PRKG1: variants seen among roughly 807,000 people sequenced by gnomAD.
PRKG1 encodes protein kinase cGMP-dependent 1, also known as cGMP-dependent protein kinase 1.
Under a neutral mutation model 88.1 loss-of-function variants are expected in PRKG1, and 35 were observed. That is an observed-to-expected ratio of 0.40 (90% CI 0.30 to 0.53). PRKG1 has a LOEUF of 0.53. Ranked by LOEUF, PRKG1 falls within the 20% of genes least tolerant of loss-of-function variation. PRKG1 has a pLI of 0.59. For missense variants in PRKG1, 540 were observed against 839.8 expected (o/e 0.64, Z 4.41); for synonymous variants, 303 against 292.5 (o/e 1.04, Z -0.37).
At chr10:51,053,253 T>TC (rs1554832520) in intron 1 of PRKG1, among the ~76,000 whole-genome samples, 1 of 148,476 alleles carries the variant, frequency 6.7e-6, no homozygotes, top group Non-Finnish European at 1.5e-5. Flanking sequence ...AAATAAAAAC[T>TC]AAAAAAAAAA....
At chr10:52,065,189 T>C (rs985442647) in intron 7 of PRKG1, among the ~76,000 whole-genome samples, 7 of 152,222 alleles carry the variant, frequency 4.6e-5, no homozygotes, top group Non-Finnish European at 7.3e-5. Flanking sequence ...CATTTTCCAA[T>C]AACCAGTATA....
intron 7 of PRKG1, among the ~76,000 whole-genome samples, chr10:52,130,980 G>C (rs9971354): frequency 0.33 from 50,566 of 151,960 alleles, 8,744 homozygotes; most frequent in African/African-American, 0.42. Flanking sequence ...TTAAACTTAC[G>C]TTTGATTATC....
At chr10:51,175,705 G>C (rs377257522) in intron 2 of PRKG1, among the ~76,000 whole-genome samples, 1 of 151,918 alleles carries the variant, frequency 6.6e-6, no homozygotes, top group Non-Finnish European at 1.5e-5. Flanking sequence ...CTAGTTGACT[G>C]GTTCTCAAAA....
chr10:51,100,023 A>G (rs1393782409), intron 1 of PRKG1, among the ~76,000 whole-genome samples: 2 of 152,120 alleles, frequency 1.3e-5, no homozygotes, highest in Non-Finnish European at 2.9e-5. Context: ...CCTCCCGAGT[A>G]TCTGGGATTC....
intron 3 of PRKG1, among the ~76,000 whole-genome samples, chr10:51,667,579 A>AT (rs66468914): frequency 2.0e-5 from 3 of 151,838 alleles, no homozygotes; most frequent in Non-Finnish European, 2.9e-5. Flanking sequence ...TAAAGCTCAC[A>AT]TTTTTTTTAA....
intron 2 of PRKG1, among the ~76,000 whole-genome samples, chr10:51,269,871 A>G (rs1255981262): frequency 1.3e-5 from 2 of 152,216 alleles, no homozygotes; most frequent in African/African-American, 4.8e-5. Context: ...GAAATAAAAA[A>G]GGAATCAAAT....
intron 9 of PRKG1, among the ~76,000 whole-genome samples, chr10:52,225,032 T>C (rs1306254179): frequency 6.6e-6 from 1 of 152,046 alleles, no homozygotes; most frequent in East Asian, 1.9e-4. Flanking sequence ...ATTGTAGTTC[T>C]ACTTTTAGTT....
At chr10:51,304,459 G>A (rs554335353) in intron 2 of PRKG1, among the ~76,000 whole-genome samples, 12 of 152,040 alleles carry the variant, frequency 7.9e-5, no homozygotes, top group African/African-American at 2.7e-4. Flanking sequence ...AAGACCCAGA[G>A]ACACTTTATT....
At chr10:51,602,260 C>G (rs557746394) in intron 3 of PRKG1, among the ~76,000 whole-genome samples, 2 of 152,100 alleles carry the variant, frequency 1.3e-5, no homozygotes, top group African/African-American at 2.4e-5. Context: ...GGAACTATTG[C>G]TACTTCAAGG....
intron 3 of PRKG1, among the ~76,000 whole-genome samples, chr10:51,780,364 A>G (rs1019444014): frequency 1.3e-5 from 2 of 152,230 alleles, no homozygotes; most frequent in South Asian, 2.1e-4. Context: ...ACTGGAATAC[A>G]ATTTGGATGC....
chr10:51,272,356 TG>T (rs1013798254), intron 2 of PRKG1, among the ~76,000 whole-genome samples: 3 of 135,372 alleles, frequency 2.2e-5, no homozygotes, highest in African/African-American at 3.4e-5. Context: ...GGGCTTATCG[TG>T]GGGTGGGGGG....
intron 3 of PRKG1, among the ~76,000 whole-genome samples, chr10:51,525,224 AAAG>A (rs1459720164): frequency 3.3e-5 from 5 of 151,738 alleles, no homozygotes; most frequent in South Asian, 2.1e-4. Flanking sequence ...GAAGGAAAGA[AAAG>A]AAGAAAGGGA....
intron 4 of PRKG1, among the ~76,000 whole-genome samples, chr10:51,809,136 T>C (rs1338790326): frequency 7.9e-5 from 12 of 152,182 alleles, no homozygotes; most frequent in Admixed American, 7.2e-4. Flanking sequence ...ACCCATTTTG[T>C]AACTCCCAGT....
At chr10:51,088,043 G>T (rs1002149969) in intron 1 of PRKG1, among the ~76,000 whole-genome samples, 1 of 152,142 alleles carries the variant, frequency 6.6e-6, no homozygotes, top group African/African-American at 2.4e-5. Context: ...AGGATTACAG[G>T]GGTGAGCCAC....
intron 5 of PRKG1, among the ~76,000 whole-genome samples, chr10:52,051,826 A>C (rs1346039392): frequency 1.3e-5 from 2 of 152,180 alleles, no homozygotes; most frequent in Non-Finnish European, 2.9e-5. Context: ...TGGGATGAGC[A>C]CACATAGCTG....
chr10:51,360,835 A>G (rs1426397785), intron 2 of PRKG1, among the ~76,000 whole-genome samples: 2 of 151,852 alleles, frequency 1.3e-5, no homozygotes, highest in Non-Finnish European at 2.9e-5. Flanking sequence ...TTTCATGATA[A>G]GCTATGGCCA....
At position 51,153,301 on chromosome 10, in the gene PRKG1, A is replaced by G. The variant is rs775427696; in HGVS notation, c.449A>G (p.Asp150Gly). 6.2e-7 allele frequency: 1 copy of G among 1,611,690 alleles called. No individual in the cohort carries two copies. Among genetic ancestry groups the G allele is most frequent in the East Asian group, 2.2e-5 (1 of 44,806 alleles). Residue 150 changes from aspartate to glycine, a missense_variant, in exon 2 of 18, where the codon GAC becomes GGC. Asp to Gly is a moderately conservative substitution (Grantham distance 94). Around this residue, in one of 5 missense-constraint regions of PRKG1, gnomAD observed 400 missense variants for 562.7 expected, o/e 0.71. Coordinates refer to ENST00000373980, the MANE Select transcript of PRKG1 (RefSeq NM_006258.4). ...GKDSCIIKEG[D>G]VGSLVYVMED... ...GACAGTTGCATCATCAAAGAAGGAGACGTGGGGTCACTGGTGTATGTCATG... is the reference window on the plus strand; with the variant it reads ...GACAGTTGCATCATCAAAGAAGGAGGCGTGGGGTCACTGGTGTATGTCATG...
chr10:51,093,745 T>G (rs971594584), intron 1 of PRKG1, among the ~76,000 whole-genome samples: 7 of 145,246 alleles, frequency 4.8e-5, no homozygotes, highest in Middle Eastern at 3.6e-3. Flanking sequence ...ATATATATAT[T>G]TATATGTATA....
intron 1 of PRKG1, among the ~76,000 whole-genome samples, chr10:51,090,561 A>G (rs960957800): frequency 2.6e-5 from 4 of 152,318 alleles, no homozygotes; most frequent in African/African-American, 7.2e-5. Flanking sequence ...ACTGAGCACT[A>G]TGTATTTAAA....
Sources: allele counts gnomAD v4.1 joint callset (sites outside exome capture counted in the v4.1 genomes callset), GRCh38; gene constraint gnomAD v4.1.1; regional missense constraint gnomAD v4.1.1; transcripts MANE v1.5; gene names NCBI Gene and HGNC (gene_info 2026-07-23, HGNC 2026-07-21).